The following CTNNA1 variants were observed in gnomAD, a reference collection of about 807,000 sequenced individuals.
CTNNA1 encodes catenin alpha 1.
Under a neutral mutation model 98.4 loss-of-function variants are expected in CTNNA1, and 37 were observed. The observed-to-expected ratio is 0.38, with a 90% CI of 0.29 to 0.49. The LOEUF is 0.49. Among genes scored for constraint, CTNNA1 ranks in the 20% least tolerant of loss-of-function variants. CTNNA1 has a pLI of 0.95. For synonymous variants in CTNNA1, 404 were observed against 413.2 expected, an observed-to-expected ratio of 0.98 and a Z score of 0.27; for missense variants, 761 against 1,147.2, an observed-to-expected ratio of 0.66 and a Z score of 4.86.
At chr5:138,914,819 T>C (rs1168661609) in intron 10 of CTNNA1, among the ~76,000 whole-genome samples, 1 of 152,112 alleles carries the variant, frequency 6.6e-6, no homozygotes, top group African/African-American at 2.4e-5. Flanking sequence ...AGTTTCCTCT[T>C]GTCTTTGCTT....
At chr5:138,859,504 AAAC>A (rs1344782694) in intron 7 of CTNNA1, among the ~76,000 whole-genome samples, 1 of 152,216 alleles carries the variant, frequency 6.6e-6, no homozygotes, top group East Asian at 1.9e-4. Flanking sequence ...GACGACTAAT[AAAC>A]ATTCTAACTT....
intron 7 of CTNNA1, chr5:138,827,993 G>C (rs1184911330): frequency 3.7e-5 from 16 of 436,222 alleles, no homozygotes; most frequent in Non-Finnish European, 5.9e-5. Flanking sequence ...TACATGTGTA[G>C]GTGTGTGTAT....
chr5:138,921,464 G>T (rs2150260591), intron 11 of CTNNA1, among the ~76,000 whole-genome samples: 1 of 152,182 alleles, frequency 6.6e-6, no homozygotes, highest in Non-Finnish European at 1.5e-5. Context: ...CAAAGAATTT[G>T]GTCTGATTGG....
intron 1 of CTNNA1, among the ~76,000 whole-genome samples, chr5:138,778,886 G>GTT (rs112862618): frequency 6.7e-6 from 1 of 148,338 alleles, no homozygotes; most frequent in Non-Finnish European, 1.5e-5. Flanking sequence ...TCAAAGTTAC[G>GTT]TTTTTTTTTT....
intron 7 of CTNNA1, among the ~76,000 whole-genome samples, chr5:138,853,513 T>A (rs1763439834): frequency 6.6e-6 from 1 of 152,100 alleles, no homozygotes; most frequent in African/African-American, 2.4e-5. Flanking sequence ...AAAAAAGTAT[T>A]GAAGTTTTGT....
At chr5:138,927,365 C>T (rs1027033029) in intron 13 of CTNNA1, among the ~76,000 whole-genome samples, 1 of 152,216 alleles carries the variant, frequency 6.6e-6, no homozygotes, top group Non-Finnish European at 1.5e-5. Context: ...TCCAGGCAAG[C>T]CGGTGACATG....
chr5:138,807,495 A>G (rs1318668787), intron 3 of CTNNA1, among the ~76,000 whole-genome samples: 2 of 151,984 alleles, frequency 1.3e-5, no homozygotes, highest in East Asian at 3.9e-4. Flanking sequence ...TTGAATTCCC[A>G]TGACACCTTG....
chr5:138,777,928 GA>G (rs1360889062), intron 1 of CTNNA1, among the ~76,000 whole-genome samples: 1 of 69,370 alleles, frequency 1.4e-5, no homozygotes, highest in African/African-American at 5.5e-5. Context: ...GGAGGAGGGA[GA>G]GGGGGAGGAG....
At chr5:138,775,761 C>T (rs556115020) in intron 1 of CTNNA1, among the ~76,000 whole-genome samples, 7 of 138,224 alleles carry the variant, frequency 5.1e-5, no homozygotes, top group East Asian at 4.2e-4. Flanking sequence ...TTGCTCTGTC[C>T]GCCCAGGCTG....
chr5:138,771,656 G>C (rs1006163351), intron 1 of CTNNA1, among the ~76,000 whole-genome samples: 3 of 152,056 alleles, frequency 2.0e-5, no homozygotes, highest in Admixed American at 6.6e-5. Context: ...CAGAGTGCTG[G>C]GATAACAAGT....
chr5:138,928,671 C>T (rs893652961), intron 13 of CTNNA1, among the ~76,000 whole-genome samples: 14 of 152,174 alleles, frequency 9.2e-5, no homozygotes, highest in African/African-American at 2.9e-4. Flanking sequence ...AAGTGGCTCA[C>T]GCCTGTAATC....
intron 1 of CTNNA1, among the ~76,000 whole-genome samples, chr5:138,771,056 T>C (rs1753497531): frequency 6.6e-6 from 1 of 152,118 alleles, no homozygotes; most frequent in Admixed American, 6.5e-5. Flanking sequence ...TTCCTAGCTC[T>C]CATACTGTCT....
At chr5:138,865,047 C>T (rs891713476) in intron 7 of CTNNA1, among the ~76,000 whole-genome samples, 2 of 151,992 alleles carry the variant, frequency 1.3e-5, no homozygotes, top group Non-Finnish European at 2.9e-5. Context: ...CTCCTGACCT[C>T]GTGATCCACC....
chr5:138,914,461 C>T (rs1328190007), intron 10 of CTNNA1, among the ~76,000 whole-genome samples: 2 of 152,222 alleles, frequency 1.3e-5, no homozygotes, highest in Admixed American at 1.3e-4. Context: ...AGGATCTCTT[C>T]TTCCAAATTA....
At chr5:138,905,111 A>AATACATACATACATACATACATACATAC (rs58678514) in intron 10 of CTNNA1, among the ~76,000 whole-genome samples, 1 of 139,270 alleles carries the variant, frequency 7.2e-6, no homozygotes, top group South Asian at 2.2e-4. Context: ...AAAAAAAAAA[A>AATACATACATACATACATACATACATAC]ATACATACAT....
chr5:138,850,236 A>G (rs1024158649), intron 7 of CTNNA1, among the ~76,000 whole-genome samples: 2 of 152,214 alleles, frequency 1.3e-5, no homozygotes, highest in South Asian at 2.1e-4. Context: ...CCTGTCTTCT[A>G]TCTTTGCCTT....
At chr5:138,763,819 C>T (rs1473600997) in intron 1 of CTNNA1, among the ~76,000 whole-genome samples, 2 of 147,450 alleles carry the variant, frequency 1.4e-5, no homozygotes, top group Non-Finnish European at 2.9e-5. Context: ...CATTTGTTGT[C>T]ATTCTCTTGC....
chr5:138,787,287 G>A (rs1489634630), intron 3 of CTNNA1, among the ~76,000 whole-genome samples: 5 of 152,144 alleles, frequency 3.3e-5, no homozygotes, highest in African/African-American at 4.8e-5. Flanking sequence ...AAAATTAGCC[G>A]GGCGTGTTGG....
At chr5:138,912,259 G>GA (rs1760805436) in intron 10 of CTNNA1, among the ~76,000 whole-genome samples, 2 of 151,766 alleles carry the variant, frequency 1.3e-5, no homozygotes, top group South Asian at 2.1e-4. Flanking sequence ...CCAAGTGAAA[G>GA]AAAAAAAAGC....
Sources: gnomAD v4.1 joint callset for allele counts (sites outside exome capture counted in the v4.1 genomes callset) on GRCh38, gnomAD v4.1.1 for gene constraint, MANE v1.5 for transcripts, NCBI Gene and HGNC (gene_info 2026-07-23, HGNC 2026-07-21) for gene names.